The following ANO2 variants were observed in gnomAD, a reference collection of about 807,000 sequenced individuals.
ANO2 encodes the protein anoctamin 2.
A neutral mutation model predicts 124.2 loss-of-function variants in ANO2; 101 were observed. The observed-to-expected ratio is 0.81, with a 90% confidence interval of 0.69 to 0.96. ANO2 has a LOEUF of 0.96. Among genes scored for constraint, ANO2 ranks in the 40% least tolerant of loss-of-function variants. ANO2 has a pLI of 0.00. For missense variants in ANO2, 1,293 were observed against 1,274.5 expected (o/e 1.01, Z -0.22); for synonymous variants, 486 against 482.5 (o/e 1.01, Z -0.09).
At chr12:5,601,048 C>G (rs1334022911) in intron 19 of ANO2, among the ~76,000 whole-genome samples, 2 of 152,214 alleles carry the variant, frequency 1.3e-5, no homozygotes, top group African/African-American at 4.8e-5. Context: ...AAAGTCTCAT[C>G]TTTGGTGCCA....
intron 7 of ANO2, among the ~76,000 whole-genome samples, chr12:5,819,479 T>TAA (rs911809911): frequency 6.6e-6 from 1 of 152,158 alleles, no homozygotes; most frequent in African/African-American, 2.4e-5. Context: ...CCTGGGGAGT[T>TAA]AAAAGGGGTT....
chr12:5,759,309 TG>T (rs1240495426), intron 10 of ANO2, among the ~76,000 whole-genome samples: 1 of 152,098 alleles, frequency 6.6e-6, no homozygotes, highest in Non-Finnish European at 1.5e-5. Context: ...ATTAAGCTTG[TG>T]GGGGAAGGAA....
intron 14 of ANO2, among the ~76,000 whole-genome samples, chr12:5,690,409 T>C (rs1032344120): frequency 3.3e-5 from 5 of 152,138 alleles, no homozygotes; most frequent in African/African-American, 4.8e-5. Context: ...TGACTTTGGA[T>C]CTTCAGGAGG....
chr12:5,806,041 G>C lies in ANO2; in HGVS notation c.990+11C>G, dbSNP rs767140063. 10 of 1,613,352 alleles carry C rather than the reference G, an allele frequency of 6.2e-6. No homozygotes were observed. In the East Asian group the frequency reaches 2.2e-4, roughly 36 times the overall value. On this transcript the variant is annotated intron_variant, in intron 9 of 24. Transcript: ENST00000682330. ...GCCCAAAGTCCAGGATGCTGCACGAGGCAGGCTTACCTTCCTGTCATTCAT... is the reference window on the plus strand; with the variant it reads ...GCCCAAAGTCCAGGATGCTGCACGACGCAGGCTTACCTTCCTGTCATTCAT...
intron 9 of ANO2, among the ~76,000 whole-genome samples, chr12:5,803,918 T>A (rs1192326625): frequency 6.6e-6 from 1 of 152,070 alleles, no homozygotes; most frequent in East Asian, 1.9e-4. Flanking sequence ...GCCTGGGCCT[T>A]GGGGAGAACA....
chr12:5,860,894 T>G (rs542560302), intron 3 of ANO2, among the ~76,000 whole-genome samples: 1 of 152,164 alleles, frequency 6.6e-6, no homozygotes, highest in South Asian at 2.1e-4. Flanking sequence ...GGGGGTGTTA[T>G]AGCATTAAGG....
intron 6 of ANO2, among the ~76,000 whole-genome samples, chr12:5,829,884 G>A (rs1287973795): frequency 6.6e-6 from 1 of 152,188 alleles, no homozygotes; most frequent in Non-Finnish European, 1.5e-5. Context: ...ACAAGCGTTG[G>A]CTTTCTATTG....
chr12:5,718,106 A>G (rs1950089030), intron 14 of ANO2, among the ~76,000 whole-genome samples: 1 of 152,272 alleles, frequency 6.6e-6, no homozygotes, highest in South Asian at 2.1e-4. Flanking sequence ...TGGAATAAAT[A>G]AAAAGCCAAC....
intron 3 of ANO2, among the ~76,000 whole-genome samples, chr12:5,915,023 C>T (rs1287939586): frequency 1.3e-5 from 2 of 152,172 alleles, no homozygotes; most frequent in Non-Finnish European, 1.5e-5. Flanking sequence ...CACTCGCAGT[C>T]CCGCCAGGAC....
chr12:5,744,463 T>C (rs1037336331), intron 11 of ANO2, 146 bp from the exon 12 acceptor site: 6 of 894,390 alleles, frequency 6.7e-6, no homozygotes, highest in Non-Finnish European at 1.0e-5. Context: ...AAGTTAGCAT[T>C]GTATTCTTCA....
At chr12:5,610,081 T>C (rs1944419132) in intron 19 of ANO2, among the ~76,000 whole-genome samples, 2 of 134,426 alleles carry the variant, frequency 1.5e-5, no homozygotes, top group Non-Finnish European at 3.1e-5. Context: ...ATATATAATA[T>C]AAATATATAT....
chr12:5,855,909 G>A (rs1290521217), intron 3 of ANO2, among the ~76,000 whole-genome samples: 3 of 152,180 alleles, frequency 2.0e-5, no homozygotes, highest in Non-Finnish European at 4.4e-5. Context: ...GGGTTGATAA[G>A]GAACCTATGT....
chr12:5,850,328 A>T (rs1954838483), intron 4 of ANO2, among the ~76,000 whole-genome samples: 1 of 151,456 alleles, frequency 6.6e-6, no homozygotes, highest in Non-Finnish European at 1.5e-5. Context: ...AGGCAAGAGA[A>T]TTGCTTCAGC....
intron 20 of ANO2, 117 bp downstream of exon 20, chr12:5,599,367 A>T (rs1943816474): frequency 2.4e-6 from 3 of 1,253,186 alleles, no homozygotes; most frequent in Non-Finnish European, 3.3e-6. Context: ...CATGAAGCTC[A>T]TGAAGAAGCA....
chr12:5,803,131 A>T (rs1953092040), intron 9 of ANO2, among the ~76,000 whole-genome samples: 1 of 152,178 alleles, frequency 6.6e-6, no homozygotes. Flanking sequence ...AGGCAGAAAG[A>T]TGCTATAGCC....
chr12:5,881,279 T>C (rs547430424), intron 3 of ANO2, among the ~76,000 whole-genome samples: 2 of 152,272 alleles, frequency 1.3e-5, no homozygotes, highest in Non-Finnish European at 2.9e-5. Flanking sequence ...CACATATGCA[T>C]GCATCCAAAT....
In ANO2 at chr12:5,563,487, C is replaced by T; in HGVS notation, c.2809G>A (p.Glu937Lys). The T allele has an allele frequency of 6.2e-7, 1 of 1,614,008 alleles. No individual in the cohort carries two copies. The highest frequency in any genetic ancestry group is 1.7e-5 in the Admixed American group (1 of 60,024). ...PTDISDQIKK[E>K]KSLLVDFFLK... ...AAGAAATCCACTAATAAGCTCTTCT[C>T]TTTCTTGATCTGGTCGCTGATGTCC... Residue 937 changes from glutamate to lysine, a missense_variant, in exon 25 of 25, where the codon GAG becomes AAG. Physicochemically the swap from Glu to Lys is moderately conservative, Grantham distance 56 (BLOSUM62 1). Coordinates refer to ENST00000682330, the MANE Select transcript of ANO2 (RefSeq NM_001364791.2).
chr12:5,610,322 TATAA>T (rs1944446388), intron 19 of ANO2, among the ~76,000 whole-genome samples: 1 of 65,042 alleles, frequency 1.5e-5, no homozygotes, highest in Non-Finnish European at 2.6e-5. Flanking sequence ...TACATAAATA[TATAA>T]ATGCATATAT....
intron 7 of ANO2, among the ~76,000 whole-genome samples, chr12:5,815,087 C>T (rs1953561232): frequency 6.6e-6 from 1 of 152,164 alleles, no homozygotes; most frequent in African/African-American, 2.4e-5. Context: ...CTGGTTATCT[C>T]AGCTCTCACA....
Sources: gnomAD v4.1 joint callset for allele counts (sites outside exome capture counted in the v4.1 genomes callset) on GRCh38, gnomAD v4.1.1 for gene constraint, MANE v1.5 for transcripts, NCBI Gene and HGNC (gene_info 2026-07-23, HGNC 2026-07-21) for gene names.